DGKD: variants seen among roughly 807,000 people sequenced by gnomAD.
The protein encoded by DGKD is diacylglycerol kinase delta.
DGKD carries 68 observed loss-of-function variants against 154.4 expected under a neutral mutation model. The ratio of observed to expected loss-of-function variants is 0.44; its 90% confidence interval spans 0.36 to 0.54. The LOEUF is 0.54. Ranked by LOEUF, DGKD falls within the 20% of genes least tolerant of loss-of-function variation. The probability of loss-of-function intolerance (pLI) is 0.00; values close to 1 mark genes in which losing one functional copy is unlikely to be tolerated. For synonymous variants in DGKD, 693 were observed against 638.0 expected (o/e 1.09, Z -1.30); for missense variants, 1,343 against 1,593.6 (o/e 0.84, Z 2.68).
intron 1 of DGKD, among the ~76,000 whole-genome samples, chr2:233,366,818 AGAAGAG>A (rs1389001802): frequency 1.3e-5 from 2 of 152,062 alleles, no homozygotes; most frequent in Admixed American, 1.3e-4. Context: ...GGAGGTGGGC[AGAAGAG>A]GAAGAGGAGG....
At chr2:233,423,132 C>T (rs1285815221) in intron 3 of DGKD, among the ~76,000 whole-genome samples, 1 of 152,114 alleles carries the variant, frequency 6.6e-6, no homozygotes, top group Non-Finnish European at 1.5e-5. Flanking sequence ...CACGGGTGTA[C>T]CACAGTTTGT....
intron 29 of DGKD, among the ~76,000 whole-genome samples, 160 bp downstream of exon 29, chr2:233,468,713 A>G (rs2063908329): frequency 6.6e-6 from 1 of 152,158 alleles, no homozygotes; most frequent in Non-Finnish European, 1.5e-5. Context: ...TCATCTAGGC[A>G]GTGATGGCTC....
intron 3 of DGKD, among the ~76,000 whole-genome samples, chr2:233,399,329 C>G (rs892305386): frequency 3.9e-5 from 6 of 152,334 alleles, no homozygotes; most frequent in African/African-American, 1.4e-4. Flanking sequence ...CCTCCAGTTC[C>G]AGAATGATTT....
In DGKD at chr2:233,459,671, C is replaced by A. The variant is rs1001300465; in HGVS notation, c.2695-86C>A. On this transcript the variant is annotated intron_variant, in intron 22 of 29. Transcript: ENST00000264057. The surrounding 1 kb of genome is among the most constrained non-coding windows in gnomAD (Gnocchi z 5.7). ...GCAAGGCAGGGACGGGTGTGTGGAG[C>A]AGGAAGGTCATGGTGGTGCTGATAG... 1.3e-6 allele frequency: 2 copies of A among 1,530,590 alleles called. No individual in the cohort carries two copies. Among genetic ancestry groups the A allele is most frequent in the African/African-American group, 2.7e-5 (2 of 73,338 alleles). 94.8% of individuals were successfully genotyped at this position (1,530,590 alleles called of 1,614,324 possible).
chr2:233,410,716 C>A (rs7594222), intron 3 of DGKD, among the ~76,000 whole-genome samples: 2,290 of 152,248 alleles, frequency 0.015, 57 homozygotes, highest in African/African-American at 0.052. Context: ...TGACTTGAGA[C>A]ATAATTGATG....
chr2:233,382,606 C>T (rs558292811), intron 1 of DGKD, among the ~76,000 whole-genome samples: 9 of 152,266 alleles, frequency 5.9e-5, no homozygotes, highest in African/African-American at 2.2e-4. Flanking sequence ...GGACACGACT[C>T]TTGGTCAGTC....
At chr2:233,383,439 CT>C (rs1703004950) in intron 1 of DGKD, among the ~76,000 whole-genome samples, 1 of 152,166 alleles carries the variant, frequency 6.6e-6, no homozygotes, top group Admixed American at 6.5e-5. Context: ...TCTTTTATCT[CT>C]TTCTGAGGTG....
intron 1 of DGKD, among the ~76,000 whole-genome samples, chr2:233,356,494 G>A (rs1176980234): frequency 6.6e-6 from 1 of 152,206 alleles, no homozygotes; most frequent in Non-Finnish European, 1.5e-5. Context: ...CCAGTGTGGG[G>A]TAGATCATGT....
intron 1 of DGKD, among the ~76,000 whole-genome samples, chr2:233,363,435 T>TA (rs1470693152): frequency 5.3e-5 from 8 of 152,268 alleles, no homozygotes; most frequent in African/African-American, 1.9e-4. Flanking sequence ...AGCTAAATGT[T>TA]ACTACAAAAG....
intron 3 of DGKD, among the ~76,000 whole-genome samples, chr2:233,392,725 A>G (rs1277825182): frequency 6.6e-6 from 1 of 152,208 alleles, no homozygotes; most frequent in Admixed American, 6.5e-5. Context: ...GCTGTAATAG[A>G]AATAAATCCT....
intron 3 of DGKD, among the ~76,000 whole-genome samples, chr2:233,414,855 C>A (rs1257259652): frequency 6.6e-6 from 1 of 152,140 alleles, no homozygotes; most frequent in African/African-American, 2.4e-5. Flanking sequence ...TCAGAGTGAG[C>A]AGTGAACCAT....
intron 3 of DGKD, 77 bp from the exon 4 acceptor site, chr2:233,434,303 C>T (rs113187512): frequency 1.9e-5 from 21 of 1,088,888 alleles, no homozygotes; most frequent in African/African-American, 1.3e-4. Flanking sequence ...TGTGTGAGGT[C>T]GGTTTTAAGA....
Position 233,354,893 on chromosome 2 carries a change from C to T in DGKD, c.156+219C>T, listed in dbSNP as rs973110322. Among the ~76,000 whole-genome samples the T allele has an allele frequency of 6.9e-6, 1 of 144,982 alleles. No individual in the cohort carries two copies. The highest frequency in any genetic ancestry group is 2.5e-5 in the African/African-American group (1 of 40,422). On this transcript the variant is annotated intron_variant, in intron 1 of 29. Transcript: ENST00000264057. The surrounding 1 kb of genome is among the most constrained non-coding windows in gnomAD (Gnocchi z 4.8). ...CGACGGACGGCGGGCGGCTGTGGGG[C>T]CGGGCGGGGGGCGCGCAGGTGGGCG...
Position 233,468,493 on chromosome 2 carries a change from C to T in DGKD, c.3495C>T (p.Ile1165=). 1 of 1,613,744 alleles carries T rather than the reference C, an allele frequency of 6.2e-7. No homozygotes were observed. Among genetic ancestry groups the T allele is most frequent in the Non-Finnish European group, 8.5e-7 (1 of 1,179,948 alleles). Residue 1165 remains isoleucine, a synonymous_variant, in exon 29 of 30, where the codon ATC becomes ATT. Coordinates refer to ENST00000264057, the MANE Select transcript of DGKD (RefSeq NM_152879.3). The part of the protein sequence containing the change: ...EHLSLCEYKD[I]FTRHDIRGSE... The stretch of plus-strand genomic sequence containing the variant: ...TCAGTCTCTGTGAGTATAAGGACAT[C>T]TTCACACGGCACGACATCCGGGGCT...
intron 3 of DGKD, among the ~76,000 whole-genome samples, chr2:233,427,163 C>G (rs1216405354): frequency 6.6e-6 from 1 of 151,924 alleles, no homozygotes; most frequent in Non-Finnish European, 1.5e-5. Flanking sequence ...GTTTCTTTCT[C>G]CAGTCATCAA....
chr2:233,443,852 G>A (rs994978687), intron 10 of DGKD, among the ~76,000 whole-genome samples: 1 of 152,224 alleles, frequency 6.6e-6, no homozygotes, highest in Non-Finnish European at 1.5e-5. Flanking sequence ...GCCAAGGTCA[G>A]CACACATTTC....
At chr2:233,357,275 A>G (rs34515783) in intron 1 of DGKD, among the ~76,000 whole-genome samples, 16,789 of 152,280 alleles carry the variant, frequency 0.11, 1,218 homozygotes, top group South Asian at 0.33. Context: ...GGACTGGAGC[A>G]GAAGGACAAA....
chr2:233,357,961 T>G (rs1701606085), intron 1 of DGKD, among the ~76,000 whole-genome samples: 1 of 152,254 alleles, frequency 6.6e-6, no homozygotes, highest in Admixed American at 6.5e-5. Flanking sequence ...AAATAATTCT[T>G]CAGGTTATAG....
chr2:233,419,084 C>T (rs1029972069), intron 3 of DGKD, among the ~76,000 whole-genome samples: 6 of 152,182 alleles, frequency 3.9e-5, no homozygotes, highest in Non-Finnish European at 7.4e-5. Flanking sequence ...CGGGCAGCAT[C>T]GGAACAGCAG....
Sources: allele counts gnomAD v4.1 joint callset (sites outside exome capture counted in the v4.1 genomes callset), GRCh38; gene constraint gnomAD v4.1.1; non-coding constraint Gnocchi (gnomAD v3.1); transcripts MANE v1.5; gene names NCBI Gene and HGNC (gene_info 2026-07-23, HGNC 2026-07-21).